Variants in ADAMTS6 observed in about 807,000 individuals in gnomAD.
ADAMTS6 encodes ADAM metallopeptidase with thrombospondin type 1 motif 6.
Under a neutral mutation model 144.3 loss-of-function variants are expected in ADAMTS6, and 23 were observed. The ratio of observed to expected loss-of-function variants is 0.16; its 90% CI spans 0.11 to 0.23. The LOEUF is 0.23. ADAMTS6 is among the 10% of genes least tolerant of loss of function. The pLI is 1.00. For missense variants in ADAMTS6, 999 were observed against 1,379.6 expected (o/e 0.72, Z 4.37); for synonymous variants, 444 against 457.5 (o/e 0.97, Z 0.38).
intron 20 of ADAMTS6, among the ~76,000 whole-genome samples, chr5:65,200,448 T>G (rs1401307233): frequency 6.6e-6 from 1 of 152,184 alleles, no homozygotes; most frequent in Non-Finnish European, 1.5e-5. Context: ...TGTAAAACAT[T>G]GCTAAGATGT....
chr5:65,459,034 TTTC>T (rs377077124), intron 4 of ADAMTS6, among the ~76,000 whole-genome samples: 8 of 151,562 alleles, frequency 5.3e-5, no homozygotes, highest in African/African-American at 2.0e-4. Flanking sequence ...GTCTTTTTTT[TTTC>T]TTTCTTTTTT....
intron 7 of ADAMTS6, among the ~76,000 whole-genome samples, chr5:65,408,506 T>C (rs540522012): frequency 6.6e-6 from 1 of 152,260 alleles, no homozygotes; most frequent in East Asian, 1.9e-4. Context: ...AAGCAAGTCC[T>C]TAGAGCCATA....
intron 7 of ADAMTS6, among the ~76,000 whole-genome samples, chr5:65,374,496 A>G (rs1297060414): frequency 1.3e-5 from 2 of 150,476 alleles, no homozygotes; most frequent in African/African-American, 4.9e-5. Flanking sequence ...TCATGAGTGA[A>G]CTCCCATTCA....
intron 10 of ADAMTS6, among the ~76,000 whole-genome samples, chr5:65,295,988 C>G (rs1295681447): frequency 5.3e-5 from 8 of 152,034 alleles, no homozygotes; most frequent in Non-Finnish European, 8.8e-5. Flanking sequence ...AAAATATGCA[C>G]TCATGGCTTT....
At chr5:65,432,387 T>C (rs942477274) in intron 7 of ADAMTS6, among the ~76,000 whole-genome samples, 7 of 152,078 alleles carry the variant, frequency 4.6e-5, no homozygotes, top group African/African-American at 1.7e-4. Context: ...TGGCATCCAA[T>C]TCTTTGGGAT....
chr5:65,384,231 T>C (rs1335598398), intron 7 of ADAMTS6, among the ~76,000 whole-genome samples: 1 of 152,228 alleles, frequency 6.6e-6, no homozygotes, highest in Non-Finnish European at 1.5e-5. Flanking sequence ...TTCTTTACCA[T>C]ATAGCCAGGC....
chr5:65,363,351 G>T (rs571412262), intron 7 of ADAMTS6, among the ~76,000 whole-genome samples: 183 of 152,220 alleles, frequency 1.2e-3, no homozygotes, highest in African/African-American at 4.2e-3. Context: ...GACCAGCAAG[G>T]TTGTAACAAT....
At chr5:65,291,933 C>A (rs1267613700) in intron 10 of ADAMTS6, among the ~76,000 whole-genome samples, 1 of 152,072 alleles carries the variant, frequency 6.6e-6, no homozygotes. Context: ...TGTGTTAAGG[C>A]ATGTCCATAG....
At chr5:65,296,527 C>T (rs1015868834) in intron 10 of ADAMTS6, among the ~76,000 whole-genome samples, 5 of 152,148 alleles carry the variant, frequency 3.3e-5, no homozygotes, top group African/African-American at 1.2e-4. Flanking sequence ...GGAGGAGAAA[C>T]CTGTTTTGCC....
At chr5:65,237,468 G>A (rs1758764249) in intron 15 of ADAMTS6, among the ~76,000 whole-genome samples, 1 of 149,958 alleles carries the variant, frequency 6.7e-6, no homozygotes, top group Non-Finnish European at 1.5e-5. Flanking sequence ...TCTTAAGGGA[G>A]TTAAATTTTT....
At chr5:65,303,716 A>G (rs1323329773) in intron 9 of ADAMTS6, among the ~76,000 whole-genome samples, 2 of 151,970 alleles carry the variant, frequency 1.3e-5, no homozygotes, top group Non-Finnish European at 2.9e-5. Context: ...CTAAAGGGGA[A>G]TGAGCACATT....
intron 9 of ADAMTS6, among the ~76,000 whole-genome samples, chr5:65,320,629 C>T (rs1580385297): frequency 6.6e-6 from 1 of 150,606 alleles, no homozygotes; most frequent in Non-Finnish European, 1.5e-5. Context: ...TCATGGGGGT[C>T]TGTTTTATAG....
In ADAMTS6 at chr5:65,448,749, G is replaced by A. The variant is rs144184448; in HGVS notation, c.1073+2726C>T. Among the ~76,000 whole-genome samples the A allele has an allele frequency of 2.7e-3, 410 of 152,006 alleles. 2 individuals are homozygous for A. The highest frequency in any genetic ancestry group is 9.4e-3 in the African/African-American group (391 of 41,466). ...ATTACAGGTGTGAGCCACCGCGCCC[G>A]GCCCTGGCATTCTTGATAAACACAT... On this transcript the variant is annotated intron_variant, in intron 7 of 24. Transcript: ENST00000381055.
intron 11 of ADAMTS6, among the ~76,000 whole-genome samples, chr5:65,289,910 G>T (rs552957914): frequency 6.6e-5 from 10 of 152,226 alleles, no homozygotes; most frequent in African/African-American, 2.4e-4. Flanking sequence ...AGTATATATA[G>T]AAAGACTATG....
chr5:65,255,048 T>C (rs568464459), intron 14 of ADAMTS6, among the ~76,000 whole-genome samples: 9 of 152,212 alleles, frequency 5.9e-5, no homozygotes, highest in Non-Finnish European at 1.2e-4. Context: ...TAGACACCTG[T>C]GGCGTACCCA....
At chr5:65,386,371 T>C (rs1181461316) in intron 7 of ADAMTS6, among the ~76,000 whole-genome samples, 1 of 152,216 alleles carries the variant, frequency 6.6e-6, no homozygotes, top group Non-Finnish European at 1.5e-5. Flanking sequence ...AGTATGGCAA[T>C]ATCCTTGTAC....
chr5:65,475,613 A>C (rs1328008208), intron 1 of ADAMTS6, among the ~76,000 whole-genome samples: 1 of 152,192 alleles, frequency 6.6e-6, no homozygotes, highest in East Asian at 1.9e-4. Context: ...TGGAAAAAGC[A>C]TTTCAGATAG....
intron 20 of ADAMTS6, among the ~76,000 whole-genome samples, chr5:65,212,586 CTCT>C (rs776492094): frequency 1.1e-4 from 17 of 151,922 alleles, no homozygotes; most frequent in Non-Finnish European, 1.9e-4. Context: ...GGCCTTTTTC[CTCT>C]TCTTCTTCTT....
intron 7 of ADAMTS6, among the ~76,000 whole-genome samples, chr5:65,418,641 C>T (rs1755753905): frequency 6.6e-6 from 1 of 151,986 alleles, no homozygotes; most frequent in South Asian, 2.1e-4. Flanking sequence ...AAAATATTTG[C>T]AAACTATGCA....
Sources: gnomAD v4.1 joint callset for allele counts (sites outside exome capture counted in the v4.1 genomes callset) on GRCh38, gnomAD v4.1.1 for gene constraint, MANE v1.5 for transcripts, NCBI Gene and HGNC (gene_info 2026-07-23, HGNC 2026-07-21) for gene names.